Variants in PIK3AP1 observed in about 807,000 individuals in gnomAD.
PIK3AP1 encodes phosphoinositide 3-kinase adapter protein 1.
PIK3AP1 carries 21 observed loss-of-function variants against 88.1 expected under a neutral mutation model. That is an observed-to-expected ratio of 0.24 (90% confidence interval 0.17 to 0.34). PIK3AP1 has a LOEUF of 0.34. Among genes scored for constraint, PIK3AP1 ranks in the 10% least tolerant of loss-of-function variants. PIK3AP1 has a pLI of 1.00. For missense variants in PIK3AP1, 828 were observed against 1,035.7 expected, an observed-to-expected ratio of 0.80 and a Z score of 2.75; for synonymous variants, 398 against 400.0, an observed-to-expected ratio of 1.00 and a Z score of 0.06.
At chr10:96,605,814 G>A (rs563150831) in intron 14 of PIK3AP1, among the ~76,000 whole-genome samples, 12 of 152,144 alleles carry the variant, frequency 7.9e-5, no homozygotes, top group African/African-American at 1.2e-4. Context: ...AGCCGGGTGC[G>A]GTGGCTCACG....
chr10:96,613,795 G>T (rs926356151), intron 13 of PIK3AP1, among the ~76,000 whole-genome samples: 2 of 152,190 alleles, frequency 1.3e-5, no homozygotes, highest in African/African-American at 4.8e-5. Flanking sequence ...GTGGGCCTCT[G>T]TGTAATCATG....
intron 2 of PIK3AP1, among the ~76,000 whole-genome samples, chr10:96,681,000 C>G (rs1843991919): frequency 6.6e-6 from 1 of 152,232 alleles, no homozygotes; most frequent in African/African-American, 2.4e-5. Flanking sequence ...TTTGCTAGGG[C>G]TGCCATAACA....
chr10:96,611,989 G>A (rs1347095896), intron 13 of PIK3AP1, among the ~76,000 whole-genome samples: 2 of 152,124 alleles, frequency 1.3e-5, no homozygotes, highest in Non-Finnish European at 2.9e-5. Flanking sequence ...TGATTATATT[G>A]CATAGTGCTT....
At position 96,645,623 on chromosome 10, in the gene PIK3AP1, G is replaced by C; in HGVS notation, c.1225C>G (p.Leu409Val). 6.2e-7 allele frequency: 1 copy of C among 1,610,552 alleles called. No individual in the cohort carries two copies. Among genetic ancestry groups the C allele is most frequent in the Non-Finnish European group, 8.5e-7 (1 of 1,178,442 alleles). Residue 409 changes from leucine to valine, a missense_variant, in exon 8 of 17, where the codon CTG becomes GTG. Physicochemically the swap from Leu to Val is conservative, Grantham distance 32 (BLOSUM62 1). This residue lies in a region of PIK3AP1 where 610 missense variants were observed against 760.1 expected (regional missense o/e 0.80). Transcript: ENST00000339364. ...GCATCAGCCTCCTCCCCGTGCATCAGTTCCTCTTTAATGTGACTCTTGAGC... is the reference window on the plus strand; with the variant it reads ...GCATCAGCCTCCTCCCCGTGCATCACTTCCTCTTTAATGTGACTCTTGAGC... ...DMLKSHIKEE[L>V]MHGEEADAVY...
chr10:96,720,433 C>CCCGGGGCCGGGA lies in PIK3AP1; in HGVS notation c.-51_-40dup, dbSNP rs1010842091. 5.3e-5 allele frequency: 65 copies of CCCGGGGCCGGGA among 1,229,924 alleles called. No homozygotes were observed. The highest frequency in any genetic ancestry group is 9.6e-5 in the East Asian group (3 of 31,304). 76.2% of individuals were successfully genotyped at this position (1,229,924 alleles called of 1,614,324 possible). A position where few individuals can be genotyped will look rare whatever the true frequency, so the allele number is the denominator to read the frequency against. ...GCTCACATCCCTGGCTCGCTGCGTGCCCGGGGCCGGGACCGGGGCCGGCGG... is the reference window on the plus strand; with the variant it reads ...GCTCACATCCCTGGCTCGCTGCGTGCCCGGGGCCGGGACCGGGGCCGGGACCGGGGCCGGCGG... On this transcript the variant is annotated 5_prime_UTR_variant, in exon 1 of 17. Transcript: ENST00000339364. This position sits in a 1 kb window ranked among gnomAD's most constrained non-coding sequence, Gnocchi z 4.6.
At chr10:96,604,108 G>C in intron 14 of PIK3AP1, 59 bp from the exon 15 acceptor site, 1 of 1,332,510 alleles carries the variant, frequency 7.5e-7, no homozygotes, top group Non-Finnish European at 1.0e-6. Context: ...AAATAAAATA[G>C]AGAACTCTAG....
At chr10:96,689,747 T>A (rs916637824) in intron 2 of PIK3AP1, among the ~76,000 whole-genome samples, 1 of 152,180 alleles carries the variant, frequency 6.6e-6, no homozygotes, top group African/African-American at 2.4e-5. Context: ...GCTTAGGAAC[T>A]GAACTCACCC....
chr10:96,707,783 A>G (rs775794402), intron 2 of PIK3AP1, among the ~76,000 whole-genome samples: 50 of 152,334 alleles, frequency 3.3e-4, no homozygotes, highest in Middle Eastern at 3.4e-3. Context: ...GGCAGATCAC[A>G]ATTCCTTCAA....
At chr10:96,652,625 T>A (rs1277511686) in intron 4 of PIK3AP1, 73 bp downstream of exon 4, 6 of 1,524,976 alleles carry the variant, frequency 3.9e-6, no homozygotes, top group Non-Finnish European at 5.4e-6. Flanking sequence ...TACCTGGCAT[T>A]GGTGGCATTG....
chr10:96,690,292 C>T (rs1424212636), intron 2 of PIK3AP1, among the ~76,000 whole-genome samples: 2 of 152,156 alleles, frequency 1.3e-5, no homozygotes, highest in African/African-American at 4.8e-5. Flanking sequence ...AAGTCTCGCT[C>T]TGTCACCCAT....
At chr10:96,663,025 G>A (rs116583733) in intron 2 of PIK3AP1, among the ~76,000 whole-genome samples, 6,677 of 151,314 alleles carry the variant, frequency 0.044, 490 homozygotes, top group African/African-American at 0.15. Flanking sequence ...ATTATGCTAA[G>A]TGAAAGAAGA....
At chr10:96,690,956 A>G (rs1303665160) in intron 2 of PIK3AP1, among the ~76,000 whole-genome samples, 1 of 152,230 alleles carries the variant, frequency 6.6e-6, no homozygotes, top group Non-Finnish European at 1.5e-5. Flanking sequence ...GAGATGACTC[A>G]TCAGAGAGAA....
intron 2 of PIK3AP1, among the ~76,000 whole-genome samples, chr10:96,708,591 A>C (rs1322681435): frequency 1.3e-5 from 2 of 150,588 alleles, no homozygotes; most frequent in African/African-American, 4.9e-5. Context: ...AAAAAAAAAA[A>C]AAAAAAAAAA....
At chr10:96,648,918 C>A in intron 6 of PIK3AP1, 63 bp from the exon 7 acceptor site, 2 of 1,383,402 alleles carry the variant, frequency 1.4e-6, no homozygotes, top group South Asian at 3.1e-5. Context: ...TGCCCTTGTT[C>A]ATGGAGATGA....
At chr10:96,711,545 G>A (rs1564992421) in intron 1 of PIK3AP1, among the ~76,000 whole-genome samples, 1 of 152,114 alleles carries the variant, frequency 6.6e-6, no homozygotes, top group South Asian at 2.1e-4. Context: ...CTAGGCCTGG[G>A]CCGCATTTCA....
At chr10:96,679,378 A>C (rs553233930) in intron 2 of PIK3AP1, among the ~76,000 whole-genome samples, 19 of 152,230 alleles carry the variant, frequency 1.2e-4, no homozygotes, top group African/African-American at 4.6e-4. Context: ...AAATACAAAA[A>C]TTAGCCAGGT....
chr10:96,654,914 G>A (rs1843593812), intron 3 of PIK3AP1, among the ~76,000 whole-genome samples: 1 of 152,170 alleles, frequency 6.6e-6, no homozygotes, highest in South Asian at 2.1e-4. Flanking sequence ...TAAAGAACAG[G>A]GACTGTGGGG....
chr10:96,662,662 T>C (rs1474457956), intron 2 of PIK3AP1, among the ~76,000 whole-genome samples: 1 of 149,608 alleles, frequency 6.7e-6, no homozygotes. Flanking sequence ...GGGTGGATCA[T>C]GAGGTCAGGA....
chr10:96,653,746 C>A (rs936757461), intron 3 of PIK3AP1, among the ~76,000 whole-genome samples: 4 of 152,094 alleles, frequency 2.6e-5, no homozygotes, highest in Non-Finnish European at 5.9e-5. Context: ...CCTTGGCCTC[C>A]CAAAGTGCTG....
Sources: allele counts gnomAD v4.1 joint callset (sites outside exome capture counted in the v4.1 genomes callset), GRCh38; gene constraint gnomAD v4.1.1; regional missense constraint gnomAD v4.1.1; non-coding constraint Gnocchi (gnomAD v3.1); transcripts MANE v1.5; gene names NCBI Gene and HGNC (gene_info 2026-07-23, HGNC 2026-07-21).